Variants in BICRAL observed in about 807,000 individuals in gnomAD.
BICRAL encodes BRD4-interacting chromatin-remodeling complex-associated protein-like.
A neutral mutation model predicts 91.8 loss-of-function variants in BICRAL; 8 were observed. The ratio of observed to expected loss-of-function variants is 0.09; its 90% CI spans 0.05 to 0.16. BICRAL has a LOEUF of 0.16. Among genes scored for constraint, BICRAL ranks in the 10% least tolerant of loss-of-function variants. The pLI is 1.00. For missense variants in BICRAL, 1,038 were observed against 1,310.9 expected (o/e 0.79, Z 3.21); for synonymous variants, 445 against 491.1 (o/e 0.91, Z 1.24).
At chr6:42,804,247 C>T (rs1763648593) in intron 1 of BICRAL, among the ~76,000 whole-genome samples, 1 of 152,206 alleles carries the variant, frequency 6.6e-6, no homozygotes, top group Admixed American at 6.5e-5. Flanking sequence ...GTCTCAAACT[C>T]CTGACCTCAG....
intron 9 of BICRAL, among the ~76,000 whole-genome samples, chr6:42,856,306 G>A (rs1055815220): frequency 6.8e-6 from 1 of 147,538 alleles, no homozygotes; most frequent in Non-Finnish European, 1.5e-5. Context: ...GACAGAGCAA[G>A]ACCCTGTCTC....
chr6:42,858,471 G>A (rs763972673), intron 10 of BICRAL, among the ~76,000 whole-genome samples: 34 of 144,236 alleles, frequency 2.4e-4, no homozygotes, highest in Non-Finnish European at 3.1e-4. Flanking sequence ...AGCGGACATC[G>A]CACCACTGCA....
upstream of BICRAL, among the ~76,000 whole-genome samples, chr6:42,781,437 T>G (rs1337304768): frequency 1.3e-5 from 2 of 152,184 alleles, no homozygotes; most frequent in African/African-American, 4.8e-5. Flanking sequence ...ATTTGCCTAA[T>G]AACTAAGTTA....
intron 1 of BICRAL, among the ~76,000 whole-genome samples, chr6:42,748,572 C>T (rs1347382010): frequency 1.3e-5 from 2 of 152,130 alleles, no homozygotes; most frequent in African/African-American, 4.8e-5. Flanking sequence ...TTGGTTAGTT[C>T]GAACTTTCAA....
intron 1 of BICRAL, among the ~76,000 whole-genome samples, chr6:42,800,129 A>G (rs1264737696): frequency 6.6e-6 from 1 of 152,034 alleles, no homozygotes; most frequent in Non-Finnish European, 1.5e-5. Context: ...CAATGGCACA[A>G]TCTCAGCTGA....
intron 1 of BICRAL, among the ~76,000 whole-genome samples, chr6:42,759,523 C>G (rs1174770580): frequency 1.3e-5 from 2 of 152,160 alleles, no homozygotes; most frequent in African/African-American, 4.8e-5. Context: ...GGAGACTAGA[C>G]AGGACTCAGT....
intron 6 of BICRAL, among the ~76,000 whole-genome samples, chr6:42,833,295 G>A (rs1376300950): frequency 6.6e-6 from 1 of 152,088 alleles, no homozygotes; most frequent in Non-Finnish European, 1.5e-5. Context: ...TGATCCACCT[G>A]CTTCAGCCTC....
intron 1 of BICRAL, among the ~76,000 whole-genome samples, chr6:42,809,079 G>A (rs1298674110): frequency 1.3e-5 from 2 of 151,396 alleles, no homozygotes; most frequent in African/African-American, 4.9e-5. Context: ...AATACTTTAA[G>A]TTCTGGCCTC....
intron 6 of BICRAL, among the ~76,000 whole-genome samples, chr6:42,835,904 T>C (rs577420434): frequency 4.7e-4 from 72 of 152,340 alleles, no homozygotes; most frequent in African/African-American, 1.7e-3. Flanking sequence ...CGCTATAGCC[T>C]GGGTGACAGA....
intron 5 of BICRAL, among the ~76,000 whole-genome samples, chr6:42,825,550 G>A (rs1451461406): frequency 6.6e-6 from 1 of 151,254 alleles, no homozygotes; most frequent in Non-Finnish European, 1.5e-5. Context: ...GGGCGACAGA[G>A]CAAGACTCGG....
intron 1 of BICRAL, among the ~76,000 whole-genome samples, chr6:42,787,886 C>CT (rs35502833): frequency 9.4e-4 from 130 of 138,356 alleles, no homozygotes; most frequent in South Asian, 2.3e-3. Flanking sequence ...AAGAAGAGGG[C>CT]TTTTTTTTTT....
chr6:42,858,736 G>C (rs1765464427), intron 10 of BICRAL, among the ~76,000 whole-genome samples: 2 of 151,984 alleles, frequency 1.3e-5, no homozygotes, highest in Admixed American at 6.6e-5. Flanking sequence ...AGAATCACTT[G>C]AACCCGGGAG....
intron 6 of BICRAL, among the ~76,000 whole-genome samples, chr6:42,846,789 C>T (rs1582868965): frequency 6.6e-6 from 1 of 152,210 alleles, no homozygotes; most frequent in African/African-American, 2.4e-5. Context: ...GGGTGTGTAG[C>T]GGTTGCTTCT....
intron 1 of BICRAL, among the ~76,000 whole-genome samples, chr6:42,754,891 G>C (rs545104873): frequency 6.6e-6 from 1 of 152,334 alleles, no homozygotes; most frequent in South Asian, 2.1e-4. Flanking sequence ...ACGAGACCCT[G>C]TCTCTAAACA....
chr6:42,750,821 G>A (rs897675892), intron 1 of BICRAL, among the ~76,000 whole-genome samples: 14 of 144,024 alleles, frequency 9.7e-5, no homozygotes, highest in Non-Finnish European at 1.2e-4. Context: ...GAGATGATCC[G>A]CCTGCCTCAG....
chr6:42,847,134 C>T (rs1765036236), intron 6 of BICRAL, among the ~76,000 whole-genome samples: 1 of 152,134 alleles, frequency 6.6e-6, no homozygotes, highest in South Asian at 2.1e-4. Flanking sequence ...CCTATAGTCC[C>T]AGCTACTCAG....
intron 1 of BICRAL, among the ~76,000 whole-genome samples, chr6:42,791,885 A>G (rs1045768416): frequency 4.6e-5 from 7 of 152,192 alleles, no homozygotes; most frequent in East Asian, 1.9e-4. Context: ...ACGCAAACCA[A>G]TATGGTATAA....
chr6:42,749,701 A>C (rs1267341128), intron 1 of BICRAL, among the ~76,000 whole-genome samples: 1 of 152,156 alleles, frequency 6.6e-6, no homozygotes, highest in Non-Finnish European at 1.5e-5. Flanking sequence ...ACTTTTTAAA[A>C]AACAGTTACC....
Position 42,866,544 on chromosome 6 carries a change from C to T in BICRAL, c.*1098C>T. 4.9e-6 allele frequency: 1 copy of T among 204,700 alleles called. No individual in the cohort carries two copies. The highest frequency in any genetic ancestry group is 1.0e-5 in the Non-Finnish European group (1 of 98,028). 12.7% of individuals were successfully genotyped at this position (204,700 alleles called of 1,614,324 possible). On this transcript the variant is annotated 3_prime_UTR_variant, in exon 13 of 13. Transcript: ENST00000314073. Reference sequence around the variant, plus strand: ...AGTTTAAACTTTAAGGAGACTCTGGCCTTGTTTATGCTTCTTGTCTGAGAA... The same window carrying T: ...AGTTTAAACTTTAAGGAGACTCTGGTCTTGTTTATGCTTCTTGTCTGAGAA...
Sources: allele counts gnomAD v4.1 joint callset (sites outside exome capture counted in the v4.1 genomes callset), GRCh38; gene constraint gnomAD v4.1.1; transcripts MANE v1.5; gene names NCBI Gene and HGNC (gene_info 2026-07-23, HGNC 2026-07-21).